Variants in DENND10 observed in about 807,000 individuals in gnomAD.
DENND10 encodes the protein DENN domain-containing protein 10.
DENND10 carries 24 observed loss-of-function variants against 43.6 expected under a neutral mutation model. The observed-to-expected ratio is 0.55, with a 90% confidence interval of 0.40 to 0.77. The LOEUF (loss-of-function observed/expected upper bound fraction) is 0.77, where lower values mean the gene tolerates loss of function less well. DENND10 is among the 30% of genes least tolerant of loss of function. The pLI, the probability that DENND10 is intolerant of heterozygous loss-of-function variation, is 0.00. For synonymous variants in DENND10, 125 were observed against 157.6 expected (o/e 0.79, Z 1.55); for missense variants, 303 against 429.9 (o/e 0.70, Z 2.61).
At chr10:119,134,917 C>G (rs1475343404) in intron 8 of DENND10, 1 of 152,110 alleles carries the variant, frequency 6.6e-6, no homozygotes, top group Non-Finnish European at 1.5e-5. Flanking sequence ...GTAATCCCAG[C>G]ACTTTGGGAG....
At position 119,104,152 on chromosome 10, in the gene DENND10, G is replaced by C; in HGVS notation, c.10G>C (p.Ala4Pro). Residue 4 changes from alanine to proline, a missense_variant, in exon 1 of 9, where the codon GCC becomes CCC. Transcript: ENST00000361432. ...GCCGCGGCGGCGGAAGATGGCTGCG[G>C]CCGAGGTGGCGGACACTCAGCTGAT... MAA[A>P]EVADTQLMLG... 4 of 1,517,222 alleles carry C rather than the reference G, an allele frequency of 2.6e-6. No individual in the cohort carries two copies. The highest frequency in any genetic ancestry group is 2.2e-5 in the Admixed American group (1 of 44,836). 94.0% of individuals were successfully genotyped at this position (1,517,222 alleles called of 1,614,324 possible).
chr10:119,104,116 C>T lies in DENND10; in HGVS notation c.-27C>T, dbSNP rs1338448305. The T allele has an allele frequency of 2.0e-6, 3 of 1,491,580 alleles. No homozygotes were observed. Among genetic ancestry groups the T allele is most frequent in the Non-Finnish European group, 2.7e-6 (3 of 1,120,646 alleles). 92.4% of individuals were successfully genotyped at this position (1,491,580 alleles called of 1,614,324 possible). A position where few individuals can be genotyped will look rare whatever the true frequency, so the allele number is the denominator to read the frequency against. ...CGAGGCCGGTCCTGCAGGCGGCAGC[C>T]AGAGCTGCGCGCCGCGGCGGCGGAA... On this transcript the variant is annotated 5_prime_UTR_variant, in exon 1 of 9. Transcript: ENST00000361432.
At chr10:119,109,231 A>AG (rs1397538718) in intron 2 of DENND10, among the ~76,000 whole-genome samples, 2 of 151,604 alleles carry the variant, frequency 1.3e-5, no homozygotes, top group African/African-American at 4.8e-5. Context: ...AAAAAAAAAA[A>AG]AGAATTTAGA....
intron 7 of DENND10, among the ~76,000 whole-genome samples, chr10:119,130,384 T>C (rs1042609048): frequency 6.6e-6 from 1 of 152,196 alleles, no homozygotes; most frequent in African/African-American, 2.4e-5. Context: ...GGTCTTGAAC[T>C]CCTGACTTCA....
intron 4 of DENND10, among the ~76,000 whole-genome samples, chr10:119,118,217 A>G (rs1184265581): frequency 6.6e-6 from 1 of 152,192 alleles, no homozygotes; most frequent in East Asian, 1.9e-4. Flanking sequence ...TTATTGAGTT[A>G]GAATTCTCTC....
In DENND10 at chr10:119,132,438, T is replaced by G; in HGVS notation, c.803-77T>G. The G allele has an allele frequency of 8.3e-7, 1 of 1,199,488 alleles. No homozygotes were observed. Among genetic ancestry groups the G allele is most frequent in the Non-Finnish European group, 1.2e-6 (1 of 804,328 alleles). 74.3% of individuals were successfully genotyped at this position (1,199,488 alleles called of 1,614,324 possible). On this transcript the variant is annotated intron_variant, in intron 7 of 8. Coordinates refer to ENST00000361432, the MANE Select transcript of DENND10 (RefSeq NM_207009.4). This position sits in a 1 kb window ranked among gnomAD's most constrained non-coding sequence, Gnocchi z 4.2. ...CTTTTTGAAAATTCCCTCAGTGTGG[T>G]CTTCCAAGTTTTCAGATAGATGGCA...
intron 1 of DENND10, among the ~76,000 whole-genome samples, chr10:119,106,284 C>T (rs76868723): frequency 0.049 from 7,402 of 152,166 alleles, 514 homozygotes; most frequent in African/African-American, 0.15. Flanking sequence ...CTTTTCCTTT[C>T]GGCAGATACC....
chr10:119,108,801 C>T (rs940832213), intron 2 of DENND10, among the ~76,000 whole-genome samples: 3 of 151,434 alleles, frequency 2.0e-5, no homozygotes, highest in Non-Finnish European at 4.4e-5. Flanking sequence ...ATTGCAGGCA[C>T]CCACCATCAC....
At chr10:119,109,887 AC>A (rs1844896294) in intron 2 of DENND10, among the ~76,000 whole-genome samples, 1 of 151,410 alleles carries the variant, frequency 6.6e-6, no homozygotes, top group South Asian at 2.1e-4. Flanking sequence ...ATCATGTCTT[AC>A]TGCAGCCTTA....
intron 6 of DENND10, among the ~76,000 whole-genome samples, chr10:119,126,459 C>T (rs1171058163): frequency 2.7e-5 from 4 of 146,402 alleles, no homozygotes; most frequent in South Asian, 2.3e-4. Context: ...TTCTTGCCAT[C>T]GTTTGTTATT....
intron 6 of DENND10, among the ~76,000 whole-genome samples, chr10:119,124,490 G>A (rs1396847903): frequency 6.6e-6 from 1 of 151,802 alleles, no homozygotes; most frequent in African/African-American, 2.4e-5. Context: ...GCAGTGAGCT[G>A]AGACTGAGCC....
At chr10:119,126,175 GCAC>G (rs1222259985) in intron 6 of DENND10, among the ~76,000 whole-genome samples, 1 of 152,044 alleles carries the variant, frequency 6.6e-6, no homozygotes, top group African/African-American at 2.4e-5. Flanking sequence ...CTGTGTATAT[GCAC>G]CACATTTTCT....
Position 119,117,606 on chromosome 10 carries a change from C to T in DENND10, c.420C>T (p.Asn140=), listed in dbSNP as rs148807437. 29 of 1,613,920 alleles carry T rather than the reference C, an allele frequency of 1.8e-5. No homozygotes were observed. Among genetic ancestry groups the T allele is most frequent in the East Asian group, 4.5e-5 (2 of 44,900 alleles). ...LTKGICQSEE[N]GSFLSKDFDA... ...AGGGGATATGCCAGAGTGAAGAAAA[C>T]GGCTCTTTCCTTAGTAAGGATTTTG... Residue 140 remains asparagine (N), a synonymous_variant, in exon 4 of 9, where the codon AAC becomes AAT. Transcript: ENST00000361432.
chr10:119,112,387 A>G (rs982979348), intron 3 of DENND10, among the ~76,000 whole-genome samples: 2 of 152,110 alleles, frequency 1.3e-5, no homozygotes, highest in African/African-American at 4.8e-5. Flanking sequence ...ATTCTGATTA[A>G]CTGGTTAGTC....
intron 1 of DENND10, among the ~76,000 whole-genome samples, chr10:119,106,014 G>C (rs948657805): frequency 1.3e-5 from 2 of 152,152 alleles, no homozygotes; most frequent in Admixed American, 6.5e-5. Flanking sequence ...CCAATATAGC[G>C]AGACCCTGTC....
In DENND10 at chr10:119,127,629, C is replaced by G. The variant is rs1432858775; in HGVS notation, c.695-1886C>G. 2.0e-5 allele frequency among the ~76,000 whole-genome samples: 3 copies of G among 150,124 alleles called. No individual in the cohort carries two copies. The East Asian group carries it at 5.9e-4, about 29-fold the overall frequency. Reference sequence around the variant, plus strand: ...GAGTAACAGGGACTACAGGCATGTGCCACCATGCCCAGCTAATTTTTTTTT... The same window carrying G: ...GAGTAACAGGGACTACAGGCATGTGGCACCATGCCCAGCTAATTTTTTTTT... On this transcript the variant is annotated intron_variant, in intron 6 of 8. Transcript: ENST00000361432.
intron 6 of DENND10, among the ~76,000 whole-genome samples, chr10:119,124,393 T>TAAAA (rs1564794200): frequency 7.2e-6 from 1 of 139,446 alleles, no homozygotes. Flanking sequence ...AAAAAAAAAT[T>TAAAA]AGCCGGGTGT....
At chr10:119,109,292 G>A (rs1015286953) in intron 2 of DENND10, among the ~76,000 whole-genome samples, 1 of 151,640 alleles carries the variant, frequency 6.6e-6, no homozygotes, top group African/African-American at 2.4e-5. Flanking sequence ...TTGGTGTGTT[G>A]TTTGATATGA....
chr10:119,113,963 A>G (rs1246965484), intron 3 of DENND10: 3 of 152,216 alleles, frequency 2.0e-5, no homozygotes, highest in Non-Finnish European at 2.9e-5. Context: ...GTATTTTTGA[A>G]CAAACATTGG....
Sources: gnomAD v4.1 joint callset for allele counts (sites outside exome capture counted in the v4.1 genomes callset) on GRCh38, gnomAD v4.1.1 for gene constraint, Gnocchi (gnomAD v3.1) non-coding constraint, MANE v1.5 for transcripts, NCBI Gene and HGNC (gene_info 2026-07-23, HGNC 2026-07-21) for gene names.